The following ETV7 variants were observed in gnomAD, a reference collection of about 807,000 sequenced individuals.
ETV7 encodes the protein ETS variant transcription factor 7.
ETV7 carries 43 observed loss-of-function variants against 39.1 expected under a neutral mutation model. The observed-to-expected ratio is 1.10, with a 90% CI of 0.86 to 1.42. The LOEUF (loss-of-function observed/expected upper bound fraction) is 1.42. ETV7 is among the 40% of genes most tolerant of loss of function. The pLI, the probability that ETV7 is intolerant of heterozygous loss-of-function variation, is 0.00. For synonymous variants in ETV7, 196 were observed against 176.6 expected (o/e 1.11, Z -0.87); for missense variants, 432 against 442.3 (o/e 0.98, Z 0.21).
chr6:36,366,141 T>C (rs1772704382), downstream of ETV7: 12 of 977,424 alleles, frequency 1.2e-5, no homozygotes, highest in African/African-American at 3.5e-5. Context: ...GCCACTGCAC[T>C]CCACCCTGGG....
chr6:36,380,032 C>A (rs1773575693), intron 2 of ETV7, among the ~76,000 whole-genome samples: 1 of 152,210 alleles, frequency 6.6e-6, no homozygotes, highest in Non-Finnish European at 1.5e-5. Flanking sequence ...CCACACAGGG[C>A]TGTCACAAGG....
intron 6 of ETV7, among the ~76,000 whole-genome samples, chr6:36,368,070 T>A (rs1158597499): frequency 6.6e-6 from 1 of 152,170 alleles, no homozygotes; most frequent in Non-Finnish European, 1.5e-5. Context: ...AAGAGCAGTA[T>A]AATATAGTGC....
intron 2 of ETV7, among the ~76,000 whole-genome samples, chr6:36,380,809 T>C (rs1419171706): frequency 1.3e-5 from 2 of 152,104 alleles, no homozygotes; most frequent in Non-Finnish European, 2.9e-5. Context: ...AATAAGTGAG[T>C]TGAGCAAAGC....
At chr6:36,383,599 A>G (rs1321983293) in intron 2 of ETV7, among the ~76,000 whole-genome samples, 3 of 152,124 alleles carry the variant, frequency 2.0e-5, no homozygotes, top group Admixed American at 6.5e-5. Context: ...ATGGGCAGAG[A>G]TGGAAACCCA....
intron 2 of ETV7, 118 bp from the exon 3 acceptor site, chr6:36,376,153 T>C: frequency 1.2e-6 from 1 of 840,168 alleles, no homozygotes; most frequent in Non-Finnish European, 1.8e-6. Context: ...CCCATCATCT[T>C]CTGTCGCTGC....
At position 36,367,013 on chromosome 6, in the gene ETV7, C is replaced by T. The variant is rs1302017871; in HGVS notation, c.808-38G>A. 2.0e-6 allele frequency: 3 copies of T among 1,515,078 alleles called. No homozygotes were observed. In the African/African-American group the frequency reaches 4.1e-5, roughly 21 times the overall value. The allele number at this position is 1,515,078 out of a possible 1,614,324, so 93.9% of individuals were successfully genotyped here. A position where few individuals can be genotyped will look rare whatever the true frequency, so the allele number is the denominator to read the frequency against. ...GCAGCCCCACATCAGCCCCACTCCC[C>T]ATGTCCTGCTCCTTCCACACCTGGA... On this transcript the variant is annotated intron_variant, in intron 6 of 7. Coordinates refer to ENST00000340181, the MANE Select transcript of ETV7 (RefSeq NM_016135.4).
At chr6:36,373,330 G>C in intron 4 of ETV7, 123 bp downstream of exon 4, 1 of 1,212,868 alleles carries the variant, frequency 8.2e-7, no homozygotes, top group South Asian at 1.8e-5. Context: ...GGTGGGGGTG[G>C]GGCGGGAGGG....
intron 5 of ETV7, among the ~76,000 whole-genome samples, chr6:36,369,496 C>T (rs1772901703): frequency 6.6e-6 from 1 of 152,198 alleles, no homozygotes; most frequent in South Asian, 2.1e-4. Flanking sequence ...CCCTGGACTT[C>T]TATTAATTAT....
At position 36,375,920 on chromosome 6, in the gene ETV7, G is replaced by C. The variant is rs1390797112; in HGVS notation, c.258C>G (p.Ala86=). The C allele has an allele frequency of 3.1e-6, 5 of 1,613,902 alleles. No homozygotes were observed. Among genetic ancestry groups the C allele is most frequent in the Non-Finnish European group, 4.2e-6 (5 of 1,180,042 alleles). ...AEHGFEMNGR[A]LCILTKDDFR... ...AGTCGTCCTTGGTGAGGATGCAGAG[G>C]GCGCGTCCGTTCATCTCGAACCCGT... The change falls in exon 3 of 8, where the codon GCC becomes GCG. Residue 86 remains alanine (A), a synonymous_variant. Transcript: ENST00000340181.
Position 36,366,898 on chromosome 6 carries a change from T to G in ETV7, c.885A>C (p.Glu295Asp), listed in dbSNP as rs1234646162. 2.5e-6 allele frequency: 4 copies of G among 1,613,834 alleles called. No homozygotes were observed. The highest frequency in any genetic ancestry group is 2.5e-6 in the Non-Finnish European group (3 of 1,180,006). ...ACCTGAACAGGAGTTTCTGCCCCGG[T>G]TCCTTCTTAATGATATTAAGCTTAT... ...HYYKLNIIKK[E>D]PGQKLLFRFL... Residue 295 changes from glutamate to aspartate, a missense_variant, in exon 7 of 8, where the codon GAA (glutamate) becomes GAC (aspartate). Glu to Asp is a conservative substitution (Grantham distance 45). Transcript: ENST00000340181.
intron 7 of ETV7, among the ~76,000 whole-genome samples, chr6:36,357,605 G>A (rs989635781): frequency 3.3e-5 from 5 of 152,274 alleles, no homozygotes; most frequent in East Asian, 1.9e-4. Flanking sequence ...GGCCACGTGC[G>A]CTGGCTCATG....
At chr6:36,356,303 A>G (rs1384109892) in intron 7 of ETV7, among the ~76,000 whole-genome samples, 14 of 148,678 alleles carry the variant, frequency 9.4e-5, no homozygotes, top group African/African-American at 3.5e-4. Flanking sequence ...CAGCCTGGGT[A>G]AAAGAGTGAG....
chr6:36,367,207 C>G (rs1264927207), intron 6 of ETV7, among the ~76,000 whole-genome samples: 1 of 152,084 alleles, frequency 6.6e-6, no homozygotes, highest in Non-Finnish European at 1.5e-5. Context: ...CTTTGGGAGG[C>G]CTAGGTGGGC....
At chr6:36,385,385 G>T in intron 2 of ETV7, 149 bp downstream of exon 2, 1 of 924,104 alleles carries the variant, frequency 1.1e-6, no homozygotes. Context: ...AGGATTACTT[G>T]AACCCAGGAG....
chr6:36,384,062 C>A (rs558516187), intron 2 of ETV7, among the ~76,000 whole-genome samples: 1 of 152,308 alleles, frequency 6.6e-6, no homozygotes, highest in African/African-American at 2.4e-5. Flanking sequence ...ATCCCCTTAC[C>A]CACTGGTTGG....
chr6:36,375,899 G>A lies in ETV7; in HGVS notation c.279C>T (p.Asp93=), dbSNP rs755834466. 3.9e-5 allele frequency: 63 copies of A among 1,613,938 alleles called. 1 individual carries two copies. The highest frequency in any genetic ancestry group is 3.0e-4 in the South Asian group (27 of 91,084). Residue 93 remains aspartate, a synonymous_variant, in exon 3 of 8, where the codon GAC becomes GAT. Transcript: ENST00000340181. The part of the protein sequence containing the change: ...NGRALCILTK[D]DFRHRAPSSG... ...AGCTGGGCGCACGGTGCCGGAAGTC[G>A]TCCTTGGTGAGGATGCAGAGGGCGC...
rs1021667802 is a variant in ETV7, at chr6:36,357,754, T to C, written c.909-3067A>G. Among the ~76,000 whole-genome samples the C allele has an allele frequency of 2.0e-5, 3 of 152,252 alleles. No individual in the cohort carries two copies. The South Asian group carries it at 6.2e-4, about 32-fold the overall frequency. ...TTAGCCAAGTTTGGTGGCACACACC[T>C]GTAATCCCAGCTACTCGGGAGGCTG... On this transcript the variant is annotated intron_variant, in intron 7 of 7. Transcript: ENST00000339796.
At chr6:36,375,768 A>G in intron 3 of ETV7, 103 bp downstream of exon 3, 1 of 1,568,560 alleles carries the variant, frequency 6.4e-7, no homozygotes, top group Non-Finnish European at 8.7e-7. Flanking sequence ...TGATTCCCCA[A>G]GGAAGACCCC....
downstream of ETV7, among the ~76,000 whole-genome samples, chr6:36,362,715 C>T (rs369150783): frequency 2.0e-5 from 3 of 152,198 alleles, no homozygotes; most frequent in South Asian, 2.1e-4. Context: ...GGCCTCAGGG[C>T]TGAGTGCAGA....
Sources: gnomAD v4.1 joint callset for allele counts (sites outside exome capture counted in the v4.1 genomes callset) on GRCh38, gnomAD v4.1.1 for gene constraint, MANE v1.5 for transcripts, NCBI Gene and HGNC (gene_info 2026-07-23, HGNC 2026-07-21) for gene names.